Variants in SLC4A10 observed in about 807,000 individuals in gnomAD.
SLC4A10 encodes sodium-driven chloride bicarbonate exchanger.
SLC4A10 carries 42 observed loss-of-function variants against 137.7 expected under a neutral mutation model. The observed-to-expected ratio is 0.30, with a 90% CI of 0.24 to 0.39. SLC4A10 has a LOEUF of 0.39. Among genes scored for constraint, SLC4A10 ranks in the 10% least tolerant of loss-of-function variants. The pLI, the probability that SLC4A10 is intolerant of heterozygous loss-of-function variation, is 1.00. For synonymous variants in SLC4A10, 474 were observed against 464.1 expected, an observed-to-expected ratio of 1.02 and a Z score of -0.27; for missense variants, 925 against 1,355.0, an observed-to-expected ratio of 0.68 and a Z score of 4.98.
chr2:161,821,587 A>C (rs2057624299), intron 3 of SLC4A10, among the ~76,000 whole-genome samples: 1 of 152,164 alleles, frequency 6.6e-6, no homozygotes, highest in Non-Finnish European at 1.5e-5. Flanking sequence ...ATGCCATTGC[A>C]CTCCAGACTG....
rs1289664177 is a variant in SLC4A10, at chr2:161,904,001, TAGGATTTTTGG to T, written c.1443-2_1451del. 1 of 1,565,562 alleles carries T rather than the reference TAGGATTTTTGG, an allele frequency of 6.4e-7. No individual in the cohort carries two copies. The highest frequency in any genetic ancestry group is 8.7e-7 in the Non-Finnish European group (1 of 1,153,624). ...CACTATTGTGTTTTCCCCCCTGTCT[TAGGATTTTTGG>T]GGGACTTATTTTAGATATCAAAAGA... is the stretch of plus-strand genomic sequence containing the variant. On this transcript the variant is annotated splice_acceptor_variant and coding_sequence_variant, in exon 13 of 27. Transcript: ENST00000446997. LOFTEE classifies it high-confidence loss of function.
chr2:161,918,818 C>A (rs577795623), intron 15 of SLC4A10, among the ~76,000 whole-genome samples: 1 of 152,294 alleles, frequency 6.6e-6, no homozygotes, highest in East Asian at 1.9e-4. Flanking sequence ...AGGGGAGCTG[C>A]AGTAGGGGAG....
At chr2:161,748,236 T>C (rs1249480187) in intron 1 of SLC4A10, among the ~76,000 whole-genome samples, 1 of 152,136 alleles carries the variant, frequency 6.6e-6, no homozygotes, top group Non-Finnish European at 1.5e-5. Flanking sequence ...TTTTTTATTG[T>C]GTGGATTGTT....
At chr2:161,702,225 A>G (rs1354804545) in intron 1 of SLC4A10, among the ~76,000 whole-genome samples, 1 of 152,002 alleles carries the variant, frequency 6.6e-6, no homozygotes, top group African/African-American at 2.4e-5. Context: ...AGCCATAAAA[A>G]GAATAAAATC....
chr2:161,707,036 A>T (rs1244438193), intron 1 of SLC4A10, among the ~76,000 whole-genome samples: 2 of 151,612 alleles, frequency 1.3e-5, no homozygotes, highest in Admixed American at 6.6e-5. Flanking sequence ...ATGAATATAG[A>T]AAGAGAGACG....
chr2:161,836,420 C>A (rs1032236484), intron 3 of SLC4A10, among the ~76,000 whole-genome samples: 26 of 151,704 alleles, frequency 1.7e-4, no homozygotes, highest in Admixed American at 8.5e-4. Context: ...ATCATTTGAA[C>A]CTGGGAGGCA....
chr2:161,686,888 CTT>C (rs201067216), intron 1 of SLC4A10, among the ~76,000 whole-genome samples: 2 of 143,900 alleles, frequency 1.4e-5, no homozygotes, highest in Admixed American at 6.9e-5. Flanking sequence ...CTTTTGTTGT[CTT>C]TTTTTTTTTT....
At chr2:161,677,193 C>T (rs1055973612) in intron 1 of SLC4A10, among the ~76,000 whole-genome samples, 7 of 151,980 alleles carry the variant, frequency 4.6e-5, no homozygotes, top group Non-Finnish European at 1.0e-4. Flanking sequence ...GCACCTCTTC[C>T]CCTCTCTCTC....
At chr2:161,710,431 G>A (rs2044153040) in intron 1 of SLC4A10, among the ~76,000 whole-genome samples, 1 of 151,200 alleles carries the variant, frequency 6.6e-6, no homozygotes, top group Non-Finnish European at 1.5e-5. Flanking sequence ...CTTTCTGTTA[G>A]TGGCATTTAA....
At chr2:161,851,600 C>A (rs2059838003) in intron 4 of SLC4A10, among the ~76,000 whole-genome samples, 1 of 152,186 alleles carries the variant, frequency 6.6e-6, no homozygotes, top group South Asian at 2.1e-4. Flanking sequence ...GATTTAGATG[C>A]TTTGTCACTT....
intron 2 of SLC4A10, among the ~76,000 whole-genome samples, chr2:161,794,023 G>A (rs1375349282): frequency 6.6e-6 from 1 of 152,002 alleles, no homozygotes; most frequent in Non-Finnish European, 1.5e-5. Context: ...TAACAATATT[G>A]TTCATGAAAA....
At chr2:161,702,528 G>T (rs933779134) in intron 1 of SLC4A10, among the ~76,000 whole-genome samples, 1 of 151,704 alleles carries the variant, frequency 6.6e-6, no homozygotes, top group Non-Finnish European at 1.5e-5. Context: ...GTGGCTTTTT[G>T]GTCCTCCCAA....
chr2:161,940,889 AGC>A (rs990999228), intron 15 of SLC4A10, among the ~76,000 whole-genome samples: 2 of 152,132 alleles, frequency 1.3e-5, no homozygotes, highest in African/African-American at 2.4e-5. Context: ...GGATTACTTG[AGC>A]GCAGGAGTTT....
intron 15 of SLC4A10, among the ~76,000 whole-genome samples, chr2:161,924,967 T>C (rs1368496123): frequency 1.3e-5 from 2 of 152,080 alleles, no homozygotes; most frequent in Non-Finnish European, 2.9e-5. Context: ...GTTTTCATGA[T>C]AGGAGGGCAG....
intron 1 of SLC4A10, among the ~76,000 whole-genome samples, chr2:161,723,510 C>T (rs188767266): frequency 9.8e-5 from 15 of 152,300 alleles, no homozygotes; most frequent in East Asian, 7.7e-4. Context: ...AAATAATATA[C>T]GCACAGTTCC....
At chr2:161,914,615 G>A (rs1686659113) in intron 15 of SLC4A10, among the ~76,000 whole-genome samples, 1 of 151,776 alleles carries the variant, frequency 6.6e-6, no homozygotes, top group East Asian at 1.9e-4. Flanking sequence ...CCCAAATTTT[G>A]CATTTTGATA....
At chr2:161,840,830 T>C (rs1033904282) in intron 4 of SLC4A10, among the ~76,000 whole-genome samples, 2 of 152,188 alleles carry the variant, frequency 1.3e-5, no homozygotes, top group African/African-American at 4.8e-5. Context: ...GCCTCAGGCA[T>C]AGTCAGACCA....
intron 1 of SLC4A10, among the ~76,000 whole-genome samples, chr2:161,665,650 C>G (rs2038953134): frequency 1.3e-5 from 2 of 151,434 alleles, no homozygotes; most frequent in South Asian, 4.2e-4. Context: ...AGCTATTTGA[C>G]AACTGGAAAG....
In SLC4A10 at chr2:161,887,610, T is replaced by G. The variant is rs2126001546; in HGVS notation, c.1194+5166T>G. On this transcript the variant is annotated intron_variant, in intron 10 of 26. Transcript: ENST00000446997. ...TCTTGGCCACATAAATGTCTTCTTT[T>G]GAGAAATTTCTGTTCATATCCTTTA... 1.3e-5 allele frequency among the ~76,000 whole-genome samples: 2 copies of G among 152,342 alleles called. 1 individual carries two copies. Among genetic ancestry groups the G allele is most frequent in the South Asian group, 4.1e-4 (2 of 4,826 alleles).
Sources: allele counts gnomAD v4.1 joint callset (sites outside exome capture counted in the v4.1 genomes callset), GRCh38; gene constraint gnomAD v4.1.1; transcripts MANE v1.5; gene names NCBI Gene and HGNC (gene_info 2026-07-23, HGNC 2026-07-21).